NLGN1: variants seen among roughly 807,000 people sequenced by gnomAD.
The protein encoded by NLGN1 is neuroligin 1.
NLGN1 carries 12 observed loss-of-function variants against 65.5 expected under a neutral mutation model. That is an observed-to-expected ratio of 0.18 (90% CI 0.12 to 0.30). The LOEUF (loss-of-function observed/expected upper bound fraction) is 0.30. Among genes scored for constraint, NLGN1 ranks in the 10% least tolerant of loss-of-function variants. NLGN1 has a pLI of 1.00. For synonymous variants in NLGN1, 350 were observed against 359.5 expected (o/e 0.97, Z 0.30); for missense variants, 750 against 1,007.1 (o/e 0.74, Z 3.46).
intron 2 of NLGN1, among the ~76,000 whole-genome samples, chr3:173,590,947 A>G (rs896635681): frequency 1.3e-5 from 2 of 152,114 alleles, no homozygotes; most frequent in Non-Finnish European, 2.9e-5. Flanking sequence ...CATTAGAGCT[A>G]TTTTCTTCCA....
downstream of NLGN1, among the ~76,000 whole-genome samples, chr3:174,290,999 A>G (rs1033632268): frequency 1.3e-5 from 2 of 150,474 alleles, no homozygotes; most frequent in Non-Finnish European, 3.0e-5. Context: ...TGCTTTAATA[A>G]AACTCAAGAA....
chr3:173,756,968 A>G (rs1464830060), intron 3 of NLGN1, among the ~76,000 whole-genome samples: 7 of 152,036 alleles, frequency 4.6e-5, no homozygotes, highest in African/African-American at 1.7e-4. Context: ...AAGCCAAAAC[A>G]AAAGCCAAAC....
chr3:173,429,879 G>T (rs1445293589), intron 1 of NLGN1, among the ~76,000 whole-genome samples: 1 of 152,178 alleles, frequency 6.6e-6, no homozygotes, highest in African/African-American at 2.4e-5. Context: ...CCTAAAGCAT[G>T]TTGCTGCTGA....
chr3:174,272,113 A>C (rs1015571978), intron 4 of NLGN1, among the ~76,000 whole-genome samples: 2 of 151,774 alleles, frequency 1.3e-5, no homozygotes, highest in Non-Finnish European at 3.0e-5. Flanking sequence ...GAGATAAAAT[A>C]GTGACTATCT....
At position 173,432,594 on chromosome 3, in the gene NLGN1, G is replaced by A. The variant is rs576157086; in HGVS notation, c.-389-2416G>A. On this transcript the variant is annotated intron_variant, in intron 1 of 6. Coordinates refer to ENST00000457714, the Ensembl canonical transcript of NLGN1. Reference sequence around the variant, plus strand: ...AGGTTATTCATTTTTTTATTGTTGAGTTTTAAGAGTTCCTTGTATATTTTG... The same window carrying A: ...AGGTTATTCATTTTTTTATTGTTGAATTTTAAGAGTTCCTTGTATATTTTG... Among the ~76,000 whole-genome samples, 27 of 152,132 alleles carry A rather than the reference G, an allele frequency of 1.8e-4. 1 individual carries two copies. The highest frequency in any genetic ancestry group is 1.6e-3 in the Admixed American group (25 of 15,260).
At chr3:174,225,686 G>C (rs1160008455) in intron 4 of NLGN1, among the ~76,000 whole-genome samples, 1 of 151,750 alleles carries the variant, frequency 6.6e-6, no homozygotes, top group African/African-American at 2.4e-5. Context: ...AGCGGAGATT[G>C]CGCCACTGCA....
chr3:173,700,848 G>A (rs573443860), intron 3 of NLGN1, among the ~76,000 whole-genome samples: 18 of 152,238 alleles, frequency 1.2e-4, no homozygotes, highest in South Asian at 6.2e-4. Flanking sequence ...CAGAAAGGCC[G>A]GGCACGGTGG....
At position 173,968,371 on chromosome 3, in the gene NLGN1, C is replaced by A. The variant is rs1715341933; in HGVS notation, c.646+160539C>A. Among the ~76,000 whole-genome samples the A allele has an allele frequency of 1.3e-5, 2 of 151,952 alleles. 1 individual carries two copies. Among genetic ancestry groups the A allele is most frequent in the South Asian group, 4.1e-4 (2 of 4,826 alleles). On this transcript the variant is annotated intron_variant, in intron 4 of 6. Transcript: ENST00000457714. ...TTTTGCCTTTCAGAAATAATTAAACCTAATTTTAAAAACAACTGATTATGG... is the reference window on the plus strand; with the variant it reads ...TTTTGCCTTTCAGAAATAATTAAACATAATTTTAAAAACAACTGATTATGG...
chr3:173,780,747 G>A (rs913311448), intron 3 of NLGN1, among the ~76,000 whole-genome samples: 2 of 152,112 alleles, frequency 1.3e-5, no homozygotes, highest in South Asian at 2.1e-4. Flanking sequence ...TTAAAGGTGT[G>A]CCCAGAGTAT....
Position 174,001,182 on chromosome 3 carries a change from T to C in NLGN1, c.646+193350T>C, listed in dbSNP as rs141975151. Among the ~76,000 whole-genome samples the C allele has an allele frequency of 3.9e-5, 6 of 152,288 alleles. No individual in the cohort carries two copies. In the East Asian group the frequency reaches 1.2e-3, roughly 29 times the overall value. On this transcript the variant is annotated intron_variant, in intron 4 of 6. Coordinates refer to ENST00000457714, the Ensembl canonical transcript of NLGN1. The stretch of plus-strand genomic sequence containing the variant: ...TGAGAGCAAAATTGAAATGGGTTTT[T>C]GAATTGCAAAGCTAAAATTTTCTGG...
At chr3:173,775,500 C>T (rs1260442662) in intron 3 of NLGN1, among the ~76,000 whole-genome samples, 1 of 151,866 alleles carries the variant, frequency 6.6e-6, no homozygotes, top group African/African-American at 2.4e-5. Context: ...CGATTGGGAT[C>T]ATGCCTCCTG....
intron 3 of NLGN1, among the ~76,000 whole-genome samples, chr3:173,795,131 TAGG>T (rs1713755693): frequency 6.6e-6 from 1 of 152,100 alleles, no homozygotes; most frequent in Non-Finnish European, 1.5e-5. Context: ...CATGTGTACA[TAGG>T]AGCCATTAGC....
chr3:173,634,945 C>T (rs376952008), intron 3 of NLGN1, among the ~76,000 whole-genome samples: 1 of 152,022 alleles, frequency 6.6e-6, no homozygotes, highest in South Asian at 2.1e-4. Context: ...GGAGAGCGCC[C>T]TTCTCCACAA....
chr3:173,865,360 T>C (rs1039078699), intron 4 of NLGN1, among the ~76,000 whole-genome samples: 5 of 152,158 alleles, frequency 3.3e-5, no homozygotes, highest in Admixed American at 3.3e-4. Context: ...TTAGGAAAGA[T>C]ACATCCTCAT....
chr3:173,546,195 C>T (rs1336479095), intron 2 of NLGN1, among the ~76,000 whole-genome samples: 1 of 152,100 alleles, frequency 6.6e-6, no homozygotes, highest in East Asian at 1.9e-4. Flanking sequence ...CACTGATAGG[C>T]TGGAGGTATC....
chr3:173,930,444 C>T (rs979723721), intron 4 of NLGN1, among the ~76,000 whole-genome samples: 1 of 152,046 alleles, frequency 6.6e-6, no homozygotes, highest in African/African-American at 2.4e-5. Flanking sequence ...GAAGGGAAGT[C>T]TACACATTGA....
intron 2 of NLGN1, among the ~76,000 whole-genome samples, chr3:173,447,768 T>A (rs1306340441): frequency 6.6e-6 from 1 of 152,228 alleles, no homozygotes; most frequent in African/African-American, 2.4e-5. Context: ...CTTGAAGAGA[T>A]CCTTCACATC....
intron 4 of NLGN1, among the ~76,000 whole-genome samples, chr3:173,940,246 G>A (rs372465415): frequency 1.3e-5 from 2 of 151,638 alleles, no homozygotes; most frequent in African/African-American, 2.4e-5. Context: ...GCACCACCAC[G>A]CCCAGCTAAT....
chr3:173,547,456 G>A (rs1490193781), intron 2 of NLGN1, among the ~76,000 whole-genome samples: 1 of 152,118 alleles, frequency 6.6e-6, no homozygotes, highest in Non-Finnish European at 1.5e-5. Context: ...TTTCCCTGAA[G>A]GGTCTCTGCA....
Sources: gnomAD v4.1 joint callset for allele counts (sites outside exome capture counted in the v4.1 genomes callset) on GRCh38, gnomAD v4.1.1 for gene constraint, MANE v1.5 for transcripts, NCBI Gene and HGNC (gene_info 2026-07-23, HGNC 2026-07-21) for gene names.